Variants in MEGF10 observed in about 807,000 individuals in gnomAD.
MEGF10 encodes the protein multiple EGF like domains 10, also known as multiple epidermal growth factor-like domains protein 10.
MEGF10 carries 86 observed loss-of-function variants against 147.5 expected under a neutral mutation model. The ratio of observed to expected loss-of-function variants is 0.58; its 90% CI spans 0.49 to 0.70. The LOEUF (loss-of-function observed/expected upper bound fraction) is 0.70, where lower values mean the gene tolerates loss of function less well. Among genes scored for constraint, MEGF10 ranks in the 30% least tolerant of loss-of-function variants. The pLI is 0.00. For missense variants in MEGF10, 1,329 were observed against 1,487.3 expected (o/e 0.89, Z 1.75); for synonymous variants, 478 against 525.5 (o/e 0.91, Z 1.24).
the MEGF10 span, among the ~76,000 whole-genome samples, chr5:127,257,266 T>G: frequency 8.6e-5 from 13 of 150,744 alleles, no homozygotes; most frequent in Admixed American, 8.6e-4. Flanking sequence ...TTTGATGAGA[T>G]TCCTAGGGGA....
chr5:127,353,306 A>T (rs954496820), intron 4 of MEGF10, among the ~76,000 whole-genome samples: 2 of 152,238 alleles, frequency 1.3e-5, no homozygotes, highest in East Asian at 3.8e-4. Flanking sequence ...TTACAACATT[A>T]TAACTCCAAG....
chr5:127,294,101 A>G (rs1015810686), intron 1 of MEGF10, among the ~76,000 whole-genome samples: 1 of 152,140 alleles, frequency 6.6e-6, no homozygotes, highest in Non-Finnish European at 1.5e-5. Flanking sequence ...CTTACCACCC[A>G]TTCATCTTTT....
chr5:127,443,157 G>A, intron 19 of MEGF10, 31 bp downstream of exon 19: 1 of 1,595,650 alleles, frequency 6.3e-7, no homozygotes, highest in Non-Finnish European at 8.5e-7. Flanking sequence ...TTGTAGCACT[G>A]CAGTATTGTG....
chr5:127,284,094 C>A, the MEGF10 span, among the ~76,000 whole-genome samples: 3 of 152,200 alleles, frequency 2.0e-5, no homozygotes, highest in Non-Finnish European at 2.9e-5. Flanking sequence ...TTCTGCTCTT[C>A]CCTTTCTTCC....
At chr5:127,346,586 A>G (rs1345708330) in intron 4 of MEGF10, among the ~76,000 whole-genome samples, 2 of 151,884 alleles carry the variant, frequency 1.3e-5, no homozygotes, top group African/African-American at 4.8e-5. Context: ...GATTTGTTTG[A>G]GCTCCTCGTA....
chr5:127,249,386 A>G, the MEGF10 span, among the ~76,000 whole-genome samples: 6 of 151,654 alleles, frequency 4.0e-5, no homozygotes, highest in South Asian at 2.1e-4. Context: ...GGAGGAGGAG[A>G]AGAGAGAAAT....
the MEGF10 span, among the ~76,000 whole-genome samples, chr5:127,230,454 C>A: frequency 6.6e-6 from 1 of 152,088 alleles, no homozygotes; most frequent in Non-Finnish European, 1.5e-5. Flanking sequence ...GCGACCACCC[C>A]AGGGAGGGAA....
Position 127,442,574 on chromosome 5 carries a change from T to A in MEGF10, c.2363-424T>A, listed in dbSNP as rs146020216. Among the ~76,000 whole-genome samples the A allele has an allele frequency of 3.2e-4, 49 of 152,360 alleles. 1 individual carries two copies. The highest frequency in any genetic ancestry group is 1.2e-3 in the African/African-American group (49 of 41,586). On this transcript the variant is annotated intron_variant, in intron 18 of 24. Coordinates refer to ENST00000503335, the MANE Select transcript of MEGF10 (RefSeq NM_001256545.2). ...GTGCGTTTATGAAGATCCCTGAGCC[T>A]ACAGTAAAATATATATGTTCTCAAG...
the MEGF10 span, among the ~76,000 whole-genome samples, chr5:127,270,503 T>A: frequency 6.6e-6 from 1 of 152,100 alleles, no homozygotes; most frequent in African/African-American, 2.4e-5. Context: ...TACATAGTGG[T>A]AAAGGGATCA....
At chr5:127,313,278 A>G (rs1760378390) in intron 1 of MEGF10, among the ~76,000 whole-genome samples, 1 of 152,206 alleles carries the variant, frequency 6.6e-6, no homozygotes, top group Admixed American at 6.5e-5. Context: ...CCATGTAGCC[A>G]TAGATCCACT....
At chr5:127,312,152 G>A (rs1185270292) in intron 1 of MEGF10, among the ~76,000 whole-genome samples, 2 of 152,136 alleles carry the variant, frequency 1.3e-5, no homozygotes, top group Admixed American at 6.5e-5. Flanking sequence ...AGCATGGTCA[G>A]TTTTGAAGGA....
the MEGF10 span, among the ~76,000 whole-genome samples, chr5:127,244,433 A>G: frequency 6.6e-6 from 1 of 151,954 alleles, no homozygotes; most frequent in Non-Finnish European, 1.5e-5. Context: ...AGAAAACTGT[A>G]TGGATGAATG....
chr5:127,355,026 C>T (rs1355223790), intron 4 of MEGF10, among the ~76,000 whole-genome samples: 2 of 152,144 alleles, frequency 1.3e-5, no homozygotes, highest in African/African-American at 4.8e-5. Context: ...GGCTTTGTAT[C>T]ATTTTGGTCT....
At chr5:127,437,415 A>T (rs1252080477) in intron 16 of MEGF10, among the ~76,000 whole-genome samples, 1 of 117,036 alleles carries the variant, frequency 8.5e-6, no homozygotes, top group Middle Eastern at 4.1e-3. Flanking sequence ...GCTCTTGGAC[A>T]TGGTGCACAC....
chr5:127,369,800 A>G (rs1309085973), intron 4 of MEGF10, 110 bp from the exon 5 acceptor site: 6 of 735,902 alleles, frequency 8.2e-6, no homozygotes, highest in Non-Finnish European at 1.3e-5. Context: ...ATTATCAAGC[A>G]TGCATGTTGT....
intron 9 of MEGF10, among the ~76,000 whole-genome samples, chr5:127,416,699 A>G (rs899508729): frequency 6.6e-6 from 1 of 152,206 alleles, no homozygotes; most frequent in Non-Finnish European, 1.5e-5. Context: ...AATATAGGAT[A>G]TAAGATTATG....
the MEGF10 span, among the ~76,000 whole-genome samples, chr5:127,270,516 T>C: frequency 6.6e-6 from 1 of 152,154 alleles, no homozygotes. Context: ...AGGGATCAAT[T>C]CAACAAGAAG....
chr5:127,440,676 C>G (rs944177977), intron 17 of MEGF10, 63 bp from the exon 18 acceptor site: 1 of 1,570,476 alleles, frequency 6.4e-7, no homozygotes, highest in East Asian at 2.3e-5. Flanking sequence ...GTTGGAGGCA[C>G]GAGCCTCCAA....
chr5:127,390,344 C>G (rs1005352212), intron 5 of MEGF10, among the ~76,000 whole-genome samples: 1 of 151,568 alleles, frequency 6.6e-6, no homozygotes, highest in Non-Finnish European at 1.5e-5. Flanking sequence ...GGTTGGAGTT[C>G]AGTAGAGCAA....
Sources: allele counts gnomAD v4.1 joint callset (sites outside exome capture counted in the v4.1 genomes callset), GRCh38; gene constraint gnomAD v4.1.1; transcripts MANE v1.5; gene names NCBI Gene and HGNC (gene_info 2026-07-23, HGNC 2026-07-21).